ADGB: variants seen among roughly 807,000 people sequenced by gnomAD.
ADGB encodes the protein androglobin.
ADGB carries 172 observed loss-of-function variants against 210.5 expected under a neutral mutation model. That is an observed-to-expected ratio of 0.82 (90% CI 0.72 to 0.93). ADGB has a LOEUF of 0.93. Ranked by LOEUF, ADGB falls within the 40% of genes least tolerant of loss-of-function variation. ADGB has a pLI of 0.00. For synonymous variants in ADGB, 658 were observed against 662.7 expected (o/e 0.99, Z 0.11); for missense variants, 2,025 against 1,964.8 (o/e 1.03, Z -0.58).
At chr6:146,725,024 G>A (rs566845626) in intron 18 of ADGB, 1 of 152,158 alleles carries the variant, frequency 6.6e-6, no homozygotes, top group African/African-American at 2.4e-5. Context: ...GAAAAGCTAT[G>A]TCTCTTATGC....
intron 25 of ADGB, 116 bp downstream of exon 25, chr6:146,741,387 G>A (rs1777161788): frequency 2.3e-6 from 2 of 875,742 alleles, no homozygotes; most frequent in Non-Finnish European, 1.7e-6. Context: ...AGACAAATAA[G>A]GCCCTGATCT....
intron 29 of ADGB, among the ~76,000 whole-genome samples, chr6:146,776,845 A>G: frequency 6.6e-6 from 1 of 152,114 alleles, no homozygotes; most frequent in East Asian, 1.9e-4. Flanking sequence ...TGGTGCTAGT[A>G]TCTCCATTAC....
chr6:146,709,986 A>G (rs186482975), intron 13 of ADGB, among the ~76,000 whole-genome samples: 30 of 152,234 alleles, frequency 2.0e-4, no homozygotes, highest in Non-Finnish European at 5.9e-5. Flanking sequence ...TTGTTCTTCC[A>G]TATGACTGCT....
chr6:146,794,122 G>T (rs1256869738), intron 33 of ADGB, among the ~76,000 whole-genome samples: 4 of 152,094 alleles, frequency 2.6e-5, no homozygotes, highest in Non-Finnish European at 5.9e-5. Flanking sequence ...GCACTGGTAG[G>T]GTCTGATTTC....
chr6:146,705,762 C>T (rs1465621233), intron 13 of ADGB, among the ~76,000 whole-genome samples: 1 of 152,018 alleles, frequency 6.6e-6, no homozygotes, highest in Non-Finnish European at 1.5e-5. Flanking sequence ...CCTTGTCTGG[C>T]TTTGGTATTA....
chr6:146,711,828 G>A (rs1776660596), intron 13 of ADGB, among the ~76,000 whole-genome samples: 1 of 151,894 alleles, frequency 6.6e-6, no homozygotes, highest in Non-Finnish European at 1.5e-5. Flanking sequence ...TCAGGAGTTT[G>A]AGGCAGCCTG....
rs76752536 is a variant in ADGB, at chr6:146,659,630, T to C, written c.612+2650T>C. Among the ~76,000 whole-genome samples, 68 of 152,324 alleles carry C rather than the reference T, an allele frequency of 4.5e-4. No individual in the cohort carries two copies. In the East Asian group the frequency reaches 9.9e-3, roughly 22 times the overall value. On this transcript the variant is annotated intron_variant, in intron 5 of 35. Coordinates refer to ENST00000397944, the MANE Select transcript of ADGB (RefSeq NM_024694.4). ...ATGAAAGTATTTTTATTATTTCCAG[T>C]TTGGATTCTAAGTAAATTGTATCAA... is the stretch of plus-strand genomic sequence containing the variant.
chr6:146,734,905 G>A (rs548022015), intron 22 of ADGB, among the ~76,000 whole-genome samples: 1 of 152,084 alleles, frequency 6.6e-6, no homozygotes, highest in Admixed American at 6.5e-5. Context: ...GACAGGGTGA[G>A]ATCTTGTCTC....
intron 35 of ADGB, among the ~76,000 whole-genome samples, chr6:146,812,854 C>A (rs1778322437): frequency 6.6e-6 from 1 of 152,104 alleles, no homozygotes; most frequent in Admixed American, 6.6e-5. Context: ...AAGCTTTTTG[C>A]CTTTCTATGG....
At chr6:146,772,222 GA>G (rs1777661412) in intron 29 of ADGB, among the ~76,000 whole-genome samples, 2 of 152,010 alleles carry the variant, frequency 1.3e-5, no homozygotes, top group East Asian at 3.9e-4. Flanking sequence ...GTTTAAATGA[GA>G]TTCATAAAAA....
intron 2 of ADGB, chr6:146,639,371 T>C (rs1775473642): frequency 6.6e-6 from 1 of 151,888 alleles, no homozygotes; most frequent in African/African-American, 2.4e-5. Context: ...TGAAGGAACA[T>C]ACCTCAAAAT....
intron 27 of ADGB, among the ~76,000 whole-genome samples, chr6:146,753,811 T>C (rs1363468887): frequency 6.6e-6 from 1 of 151,914 alleles, no homozygotes; most frequent in Non-Finnish European, 1.5e-5. Flanking sequence ...TTTACTCAGT[T>C]TGTTGGATCA....
chr6:146,725,145 C>T (rs1286728901), intron 18 of ADGB: 6 of 152,210 alleles, frequency 3.9e-5, no homozygotes, highest in Non-Finnish European at 8.8e-5. Flanking sequence ...CCCCTTTATA[C>T]TCCAGCAAAT....
At chr6:146,709,018 C>A (rs906289788) in intron 13 of ADGB, among the ~76,000 whole-genome samples, 17 of 151,982 alleles carry the variant, frequency 1.1e-4, no homozygotes, top group South Asian at 6.2e-4. Context: ...TTTTTAATTT[C>A]ATTTCATTCA....
At chr6:146,768,294 G>A (rs1022130037) in intron 28 of ADGB, among the ~76,000 whole-genome samples, 4 of 152,066 alleles carry the variant, frequency 2.6e-5, no homozygotes, top group African/African-American at 4.8e-5. Flanking sequence ...AATAGCTAAC[G>A]GAACTTGGGG....
chr6:146,760,357 T>C lies in ADGB; in HGVS notation c.3551-3544T>C, dbSNP rs139070544. ...ACTTCATAAAATTGGAACCATATAG[T>C]ATTTATCTTTTGACACCGGCTTCTT... On this transcript the variant is annotated intron_variant, in intron 27 of 35. Coordinates refer to ENST00000397944, the MANE Select transcript of ADGB (RefSeq NM_024694.4). Among the ~76,000 whole-genome samples the C allele has an allele frequency of 2.0e-5, 3 of 152,002 alleles. No individual in the cohort carries two copies. In the East Asian group the frequency reaches 5.8e-4, roughly 29 times the overall value.
At chr6:146,678,211 C>A (rs1360261016) in intron 9 of ADGB, among the ~76,000 whole-genome samples, 1 of 151,974 alleles carries the variant, frequency 6.6e-6, no homozygotes, top group African/African-American at 2.4e-5. Flanking sequence ...TATAACATGA[C>A]ATTTATATTG....
At chr6:146,728,808 T>TTTGAA in intron 20 of ADGB, 67 bp downstream of exon 20, 1 of 1,295,506 alleles carries the variant, frequency 7.7e-7, no homozygotes, top group Non-Finnish European at 1.0e-6. Context: ...TATCTTCCAT[T>TTTGAA]AGGTGACCTC....
intron 33 of ADGB, among the ~76,000 whole-genome samples, chr6:146,798,386 A>G (rs990392905): frequency 2.0e-5 from 3 of 152,218 alleles, no homozygotes; most frequent in African/African-American, 7.2e-5. Context: ...GAACAAAGAA[A>G]GAAACTCACA....
Sources: allele counts gnomAD v4.1 joint callset (sites outside exome capture counted in the v4.1 genomes callset), GRCh38; gene constraint gnomAD v4.1.1; transcripts MANE v1.5; gene names NCBI Gene and HGNC (gene_info 2026-07-23, HGNC 2026-07-21).